The following ZNF563 variants were observed in gnomAD, a reference collection of about 807,000 sequenced individuals.
The protein encoded by ZNF563 is zinc finger protein 563.
In ZNF563, 39 loss-of-function variants were observed where a neutral mutation model predicts 48.5. That is an observed-to-expected ratio of 0.80 (90% CI 0.62 to 1.05). The LOEUF is 1.05. Among genes scored for constraint, ZNF563 ranks in the 50% least tolerant of loss-of-function variants. The pLI is 0.00. For missense variants in ZNF563, 538 were observed against 597.0 expected (o/e 0.90, Z 1.03); for synonymous variants, 168 against 187.9 (o/e 0.89, Z 0.87).
At chr19:12,328,021 G>A (rs1197318417) in intron 1 of ZNF563, among the ~76,000 whole-genome samples, 1 of 152,138 alleles carries the variant, frequency 6.6e-6, no homozygotes, top group Non-Finnish European at 1.5e-5. Flanking sequence ...AATCACTAAC[G>A]ATATGGCTGA....
chr19:12,330,996 CA>C (rs767426075), intron 1 of ZNF563, among the ~76,000 whole-genome samples: 1 of 151,954 alleles, frequency 6.6e-6, no homozygotes, highest in African/African-American at 2.4e-5. Flanking sequence ...ACAGCAACAA[CA>C]AAAAAACAGA....
chr19:12,329,341 A>G (rs1568478246), intron 1 of ZNF563, among the ~76,000 whole-genome samples: 2 of 151,978 alleles, frequency 1.3e-5, no homozygotes, highest in Admixed American at 6.6e-5. Flanking sequence ...GTGTGGTGGC[A>G]CATGCCTGTT....
chr19:12,333,684 C>T (rs1005265792), upstream of ZNF563: 23 of 688,252 alleles, frequency 3.3e-5, no homozygotes, highest in Non-Finnish European at 5.0e-5. Context: ...CTCTTTGAAC[C>T]TGGCACCCTA....
the ZNF563 span, among the ~76,000 whole-genome samples, chr19:12,345,632 A>G: frequency 6.6e-6 from 1 of 152,194 alleles, no homozygotes; most frequent in African/African-American, 2.4e-5. Context: ...AATACTTAGA[A>G]GAGCCTGGGT....
At chr19:12,320,823 T>C (rs918646303) in intron 3 of ZNF563, among the ~76,000 whole-genome samples, 4 of 152,002 alleles carry the variant, frequency 2.6e-5, no homozygotes, top group Non-Finnish European at 4.4e-5. Flanking sequence ...TTATAAAATG[T>C]TTTAGGAGGA....
chr19:12,327,589 G>A (rs183918442), intron 1 of ZNF563, among the ~76,000 whole-genome samples: 2 of 152,008 alleles, frequency 1.3e-5, no homozygotes, highest in East Asian at 3.9e-4. Context: ...CATTAAATGT[G>A]TATTATCTAT....
At chr19:12,320,388 G>C (rs1407917504) in intron 3 of ZNF563, among the ~76,000 whole-genome samples, 1 of 151,804 alleles carries the variant, frequency 6.6e-6, no homozygotes, top group African/African-American at 2.4e-5. Flanking sequence ...TTGTCACCAG[G>C]CTGGAGTGCA....
chr19:12,321,379 A>G, intron 2 of ZNF563, 47 bp from the exon 3 acceptor site: 1 of 1,256,816 alleles, frequency 8.0e-7, no homozygotes, highest in Non-Finnish European at 1.1e-6. Context: ...AGAAAATTAT[A>G]TAAAACAGTA....
At chr19:12,322,362 G>A (rs1424735380) in intron 2 of ZNF563, among the ~76,000 whole-genome samples, 1 of 152,098 alleles carries the variant, frequency 6.6e-6, no homozygotes, top group African/African-American at 2.4e-5. Flanking sequence ...CCAGTCAACT[G>A]TTTATGTTAC....
intron 2 of ZNF563, 42 bp downstream of exon 2, chr19:12,322,543 A>C: frequency 1.3e-6 from 2 of 1,552,848 alleles, no homozygotes; most frequent in Non-Finnish European, 1.7e-6. Flanking sequence ...CATGAAACAA[A>C]TGTCTGTAAT....
chr19:12,331,474 C>A (rs1457325929), intron 1 of ZNF563, among the ~76,000 whole-genome samples: 1 of 152,210 alleles, frequency 6.6e-6, no homozygotes. Context: ...ACTAGTCTAA[C>A]AGAATTCAAA....
chr19:12,319,123 G>A lies in ZNF563; in HGVS notation c.902C>T (p.Thr301Ile). ...ATAGGGTTTCTCTGCACTGTGAGTG[G>A]TTTCATGTCTTCGAAGGGAACTGGA... ...SVSSSLRRHE[T>I]THSAEKPYEC... The change falls in exon 4 of 4, where the codon ACC becomes ATC. Residue 301 changes from threonine (T) to isoleucine (I), a missense_variant. Transcript: ENST00000293725. 6.2e-7 allele frequency: 1 copy of A among 1,613,848 alleles called. No individual in the cohort carries two copies. The highest frequency in any genetic ancestry group is 8.5e-7 in the Non-Finnish European group (1 of 1,179,968).
upstream of ZNF563, among the ~76,000 whole-genome samples, chr19:12,334,658 C>CA (rs2145822941): frequency 6.6e-6 from 1 of 152,226 alleles, no homozygotes; most frequent in Non-Finnish European, 1.5e-5. Flanking sequence ...CACCTGAGGT[C>CA]ACCAGTTGGA....
chr19:12,332,948 T>C (rs1246253476), intron 1 of ZNF563, among the ~76,000 whole-genome samples: 1 of 152,192 alleles, frequency 6.6e-6, no homozygotes, highest in African/African-American at 2.4e-5. Flanking sequence ...GGAGAGGAAG[T>C]CAGCTTTATG....
At chr19:12,340,319 G>A in the ZNF563 span, among the ~76,000 whole-genome samples, 3 of 152,244 alleles carry the variant, frequency 2.0e-5, no homozygotes, top group South Asian at 4.1e-4. Context: ...GGGGAACAGC[G>A]TGAGACTCTG....
At chr19:12,322,521 A>G (rs1968658027) in intron 2 of ZNF563, 64 bp downstream of exon 2, 1 of 1,497,432 alleles carries the variant, frequency 6.7e-7, no homozygotes, top group Non-Finnish European at 9.0e-7. Context: ...ATCATTGAAC[A>G]GCACTGATGA....
chr19:12,334,120 A>T (rs1968987872), upstream of ZNF563, among the ~76,000 whole-genome samples: 3 of 151,886 alleles, frequency 2.0e-5, no homozygotes, highest in South Asian at 6.2e-4. Context: ...TGAGGATGAG[A>T]CTCTTGGCGG....
At chr19:12,324,100 G>A (rs1041059249) in intron 1 of ZNF563, among the ~76,000 whole-genome samples, 7 of 152,168 alleles carry the variant, frequency 4.6e-5, no homozygotes, top group Non-Finnish European at 8.8e-5. Context: ...GCTCATGCCT[G>A]TAATCTCAGT....
Position 12,319,091 on chromosome 19 carries a change from T to C in ZNF563, c.934A>G (p.Lys312Glu), listed in dbSNP as rs1237931309. The C allele has an allele frequency of 8.1e-6, 13 of 1,614,092 alleles. No individual in the cohort carries two copies. The highest frequency in any genetic ancestry group is 1.1e-5 in the Non-Finnish European group (13 of 1,180,046). Residue 312 changes from lysine (K) to glutamate (E), a missense_variant, in exon 4 of 4, where the codon AAG (lysine) becomes GAG (glutamate). Lys to Glu is a moderately conservative substitution (Grantham distance 56). Coordinates refer to ENST00000293725, the MANE Select transcript of ZNF563 (RefSeq NM_145276.3). ...THSAEKPYEC[K>E]QCGKTFHHLG... ...TGATGAAATGTTTTCCCGCATTGCT[T>C]ACACTCATAGGGTTTCTCTGCACTG...
Sources: allele counts gnomAD v4.1 joint callset (sites outside exome capture counted in the v4.1 genomes callset), GRCh38; gene constraint gnomAD v4.1.1; transcripts MANE v1.5; gene names NCBI Gene and HGNC (gene_info 2026-07-23, HGNC 2026-07-21).